The following NKAIN3 variants were observed in gnomAD, a reference collection of about 807,000 sequenced individuals.
NKAIN3 encodes sodium/potassium transporting ATPase interacting 3, also known as sodium/potassium-transporting ATPase subunit beta-1-interacting protein 3.
A neutral mutation model predicts 30.2 loss-of-function variants in NKAIN3; 25 were observed. The observed-to-expected ratio is 0.83, with a 90% CI of 0.60 to 1.16. NKAIN3 has a LOEUF of 1.16. Among genes scored for constraint, NKAIN3 ranks in the 50% most tolerant of loss-of-function variants. The pLI is 0.00. For missense variants in NKAIN3, 225 were observed against 254.1 expected (o/e 0.89, Z 0.78); for synonymous variants, 91 against 89.6 (o/e 1.02, Z -0.09).
chr8:62,954,742 T>A (rs1823376259), intron 6 of NKAIN3, among the ~76,000 whole-genome samples: 1 of 152,194 alleles, frequency 6.6e-6, no homozygotes, highest in South Asian at 2.1e-4. Flanking sequence ...GCATATATTA[T>A]CTCACTAAAT....
intron 1 of NKAIN3, among the ~76,000 whole-genome samples, chr8:62,536,954 A>G (rs1016077489): frequency 1.3e-5 from 2 of 152,106 alleles, no homozygotes; most frequent in African/African-American, 2.4e-5. Context: ...ATCAGGAGAG[A>G]AAAGACAGCC....
At chr8:62,839,338 G>C (rs1006740125) in intron 4 of NKAIN3, among the ~76,000 whole-genome samples, 3 of 145,674 alleles carry the variant, frequency 2.1e-5, no homozygotes, top group Non-Finnish European at 4.5e-5. Context: ...TTCACACCAA[G>C]ACAGAATAAA....
At chr8:62,487,049 A>T (rs1315257951) in intron 1 of NKAIN3, among the ~76,000 whole-genome samples, 1 of 152,200 alleles carries the variant, frequency 6.6e-6, no homozygotes, top group Non-Finnish European at 1.5e-5. Flanking sequence ...GGGGCCATGC[A>T]CTGAAATGCC....
chr8:62,385,124 C>T (rs1817386757), intron 1 of NKAIN3, among the ~76,000 whole-genome samples: 2 of 152,032 alleles, frequency 1.3e-5, no homozygotes, highest in African/African-American at 4.8e-5. Flanking sequence ...GAGTGCGAGT[C>T]CCCCCAGTTT....
At chr8:62,912,702 G>A (rs1156252513) in intron 4 of NKAIN3, among the ~76,000 whole-genome samples, 2 of 152,092 alleles carry the variant, frequency 1.3e-5, no homozygotes, top group East Asian at 1.9e-4. Context: ...CTGAGGTCGG[G>A]AGTTCAAGAT....
intron 3 of NKAIN3, among the ~76,000 whole-genome samples, chr8:62,708,536 G>T (rs1374481975): frequency 6.6e-6 from 1 of 152,150 alleles, no homozygotes; most frequent in African/African-American, 2.4e-5. Context: ...CACTATTGAT[G>T]TATAGAAGAG....
At chr8:62,992,766 GAATTCTTTCA>G (rs914934909) in intron 5 of NKAIN3, among the ~76,000 whole-genome samples, 29 of 150,458 alleles carry the variant, frequency 1.9e-4, no homozygotes, top group South Asian at 1.0e-3. Context: ...TCTTTCAAAA[GAATTCTTTCA>G]AAAAGAATTA....
intron 4 of NKAIN3, among the ~76,000 whole-genome samples, chr8:62,842,333 C>CTA (rs953206065): frequency 3.5e-4 from 53 of 152,024 alleles, no homozygotes; most frequent in African/African-American, 1.2e-3. Flanking sequence ...ATACTGAAGA[C>CTA]TATAAAACAC....
At chr8:62,853,771 G>C (rs1390760791) in intron 4 of NKAIN3, among the ~76,000 whole-genome samples, 2 of 152,006 alleles carry the variant, frequency 1.3e-5, no homozygotes, top group South Asian at 4.1e-4. Flanking sequence ...TGGTTCTCTG[G>C]TTCTTTTAAC....
In NKAIN3 at chr8:62,591,351, T is replaced by A. The variant is rs529497472; in HGVS notation, c.273+1557T>A. ...CTCTGAGGCAAATCCTTTGGCTCCA[T>A]GGAGTCTCTATGAAAAATAATAAGA... is the stretch of plus-strand genomic sequence containing the variant. On this transcript the variant is annotated intron_variant, in intron 3 of 6. Transcript: ENST00000623646. Among the ~76,000 whole-genome samples, 3 of 152,028 alleles carry A rather than the reference T, an allele frequency of 2.0e-5. No individual in the cohort carries two copies. In the South Asian group the frequency reaches 6.2e-4, roughly 31 times the overall value.
downstream of NKAIN3, among the ~76,000 whole-genome samples, chr8:62,985,599 G>T (rs1164908739): frequency 6.6e-6 from 1 of 152,140 alleles, no homozygotes. Context: ...TTATTTAAAA[G>T]AACACTTTAT....
downstream of NKAIN3, among the ~76,000 whole-genome samples, chr8:62,988,553 G>A (rs1824251877): frequency 6.6e-6 from 1 of 152,238 alleles, no homozygotes; most frequent in Non-Finnish European, 1.5e-5. Context: ...ACCCTCTGAA[G>A]CCACAGCCTG....
intron 5 of NKAIN3, 131 bp from the exon 6 acceptor site, chr8:62,953,771 T>C (rs1823347144): frequency 5.9e-6 from 1 of 169,066 alleles, no homozygotes; most frequent in African/African-American, 2.4e-5. Context: ...TAGTCCTTTT[T>C]ACTAAACATT....
chr8:62,256,725 G>A (rs939309143), intron 1 of NKAIN3, among the ~76,000 whole-genome samples: 1 of 152,098 alleles, frequency 6.6e-6, no homozygotes, highest in Non-Finnish European at 1.5e-5. Context: ...GGAGGAAGTG[G>A]GTGAAGTGCT....
At chr8:62,466,309 C>T (rs1806161190) in intron 1 of NKAIN3, among the ~76,000 whole-genome samples, 1 of 152,110 alleles carries the variant, frequency 6.6e-6, no homozygotes, top group South Asian at 2.1e-4. Context: ...GTAGTATCTA[C>T]CTTTCTTTCC....
chr8:62,819,818 T>G (rs1048458688), intron 4 of NKAIN3, among the ~76,000 whole-genome samples: 1 of 152,100 alleles, frequency 6.6e-6, no homozygotes, highest in Admixed American at 6.6e-5. Flanking sequence ...TTTTAAAACC[T>G]TCTACCCAAA....
intron 4 of NKAIN3, among the ~76,000 whole-genome samples, chr8:62,850,119 G>T (rs1819842447): frequency 6.6e-6 from 1 of 152,022 alleles, no homozygotes; most frequent in South Asian, 2.1e-4. Flanking sequence ...AGCACCTGTT[G>T]TTTCCTGACT....
intron 6 of NKAIN3, among the ~76,000 whole-genome samples, chr8:62,964,015 G>C (rs1415385261): frequency 6.6e-6 from 1 of 152,200 alleles, no homozygotes; most frequent in African/African-American, 2.4e-5. Context: ...ATGTGGTTAT[G>C]AAGTGAGTGT....
intron 4 of NKAIN3, among the ~76,000 whole-genome samples, chr8:62,866,274 G>A (rs1486458723): frequency 6.6e-6 from 1 of 152,136 alleles, no homozygotes; most frequent in Non-Finnish European, 1.5e-5. Context: ...GATCATGCTT[G>A]TCTAGAACAC....
Sources: gnomAD v4.1 joint callset for allele counts (sites outside exome capture counted in the v4.1 genomes callset) on GRCh38, gnomAD v4.1.1 for gene constraint, MANE v1.5 for transcripts, NCBI Gene and HGNC (gene_info 2026-07-23, HGNC 2026-07-21) for gene names.